BACE2: variants seen among roughly 807,000 people sequenced by gnomAD.
BACE2 encodes 56 kDa aspartic-like protease.
Under a neutral mutation model 46.2 loss-of-function variants are expected in BACE2, and 17 were observed. The ratio of observed to expected loss-of-function variants is 0.37; its 90% CI spans 0.25 to 0.55. The LOEUF (loss-of-function observed/expected upper bound fraction) is 0.55. Ranked by LOEUF, BACE2 falls within the 20% of genes least tolerant of loss-of-function variation. The pLI, the probability that BACE2 is intolerant of heterozygous loss-of-function variation, is 0.82. For synonymous variants in BACE2, 277 were observed against 295.9 expected (o/e 0.94, Z 0.66); for missense variants, 595 against 698.1 (o/e 0.85, Z 1.66).
intron 1 of BACE2, among the ~76,000 whole-genome samples, chr21:41,171,770 CT>C (rs1260122362): frequency 2.0e-5 from 3 of 152,150 alleles, no homozygotes; most frequent in African/African-American, 7.2e-5. Context: ...CAAAAAAAGC[CT>C]TTGGGATTCT....
chr21:41,194,786 T>C (rs1056363345), intron 1 of BACE2, among the ~76,000 whole-genome samples: 1 of 152,130 alleles, frequency 6.6e-6, no homozygotes, highest in Non-Finnish European at 1.5e-5. Flanking sequence ...CCTCATACTT[T>C]TTGAGAAAAA....
chr21:41,224,844 A>G (rs370739199), intron 1 of BACE2, among the ~76,000 whole-genome samples: 57 of 152,364 alleles, frequency 3.7e-4, no homozygotes, highest in Middle Eastern at 6.8e-3. Context: ...TACAGAGCAC[A>G]TAAACCAAAT....
In BACE2 at chr21:41,275,563, G is replaced by A. The variant is rs550964462; in HGVS notation, c.1496G>A (p.Arg499His). ...LLLLPFRCQRRPRDPEVVNDE... is the reference protein window; with the variant it reads ...LLLLPFRCQRHPRDPEVVNDE... ...CTGCTGCCGTTCCGGTGTCAGCGTC[G>A]CCCCCGTGACCCTGAGGTCGTCAAT... The change falls in exon 9 of 9, where the codon CGC becomes CAC. Residue 499 changes from arginine to histidine, a missense_variant. Around this residue, in one of 3 missense-constraint regions of BACE2, gnomAD observed 343 missense variants for 419.4 expected, o/e 0.82. Transcript: ENST00000330333. 19 of 1,613,914 alleles carry A rather than the reference G, an allele frequency of 1.2e-5. No individual in the cohort carries two copies. Among genetic ancestry groups the A allele is most frequent in the African/African-American group, 6.7e-5 (5 of 74,952 alleles).
chr21:41,264,884 T>G (rs1178779797), intron 8 of BACE2, among the ~76,000 whole-genome samples: 1 of 152,156 alleles, frequency 6.6e-6, no homozygotes, highest in Non-Finnish European at 1.5e-5. Flanking sequence ...CACAAGAGGC[T>G]GAGGCAGGAA....
intron 8 of BACE2, among the ~76,000 whole-genome samples, chr21:41,267,307 C>T (rs2088387978): frequency 6.6e-6 from 1 of 152,184 alleles, no homozygotes; most frequent in African/African-American, 2.4e-5. Context: ...CGTCTCATAT[C>T]TGACATGGAT....
At chr21:41,227,018 C>T (rs1371404639) in intron 2 of BACE2, among the ~76,000 whole-genome samples, 1 of 152,208 alleles carries the variant, frequency 6.6e-6, no homozygotes, top group Non-Finnish European at 1.5e-5. Context: ...TTCCGAGCAG[C>T]CCTGGGTGGG....
chr21:41,169,246 A>T (rs1984507549), intron 1 of BACE2, among the ~76,000 whole-genome samples: 1 of 152,002 alleles, frequency 6.6e-6, no homozygotes, highest in South Asian at 2.1e-4. Context: ...GGAGCGATGC[A>T]TCTACACGCG....
intron 1 of BACE2, among the ~76,000 whole-genome samples, chr21:41,187,481 A>G (rs1985420094): frequency 6.6e-6 from 1 of 152,200 alleles, no homozygotes; most frequent in African/African-American, 2.4e-5. Flanking sequence ...GAAAGATCGA[A>G]TATGTTCTAC....
intron 1 of BACE2, among the ~76,000 whole-genome samples, chr21:41,210,453 G>T (rs903334325): frequency 6.6e-6 from 1 of 152,146 alleles, no homozygotes; most frequent in Non-Finnish European, 1.5e-5. Flanking sequence ...CCAGGCAAGG[G>T]TTGAGCCGCG....
In BACE2 at chr21:41,179,311, G is replaced by A. The variant is rs993565292; in HGVS notation, c.312+10736G>A. ...GGGTGAGGATTGAGGGTGTCAGGGT[G>A]AGTGAGAGTGTCCAGGGTGAGGAGT... On this transcript the variant is annotated intron_variant, in intron 1 of 8. Coordinates refer to ENST00000330333, the MANE Select transcript of BACE2 (RefSeq NM_012105.5). 3.8e-6 allele frequency: 5 copies of A among 1,313,206 alleles called. No homozygotes were observed. In the African/African-American group the frequency reaches 4.7e-5, roughly 12 times the overall value. 81.3% of individuals were successfully genotyped at this position (1,313,206 alleles called of 1,614,324 possible). A position where few individuals can be genotyped will look rare whatever the true frequency, so the allele number is the denominator to read the frequency against.
At chr21:41,241,617 A>C in intron 3 of BACE2, 1 of 563,972 alleles carries the variant, frequency 1.8e-6, no homozygotes, top group Non-Finnish European at 3.1e-6. Context: ...AGCCGTGCCC[A>C]AAGGAAGAAT....
chr21:41,278,825 C>A lies in BACE2; in HGVS notation c.*3201C>A, dbSNP rs561188986. On this transcript the variant is annotated 3_prime_UTR_variant, in exon 9 of 9. Transcript: ENST00000330333. ...TTCAGTTCTAAGTTCTGGACTAGTG[C>A]CACTCGATATCATTGGGAATAAATC... is the stretch of plus-strand genomic sequence containing the variant. The A allele has an allele frequency of 6.6e-6, 1 of 152,086 alleles. No individual in the cohort carries two copies. Among genetic ancestry groups the A allele is most frequent in the African/African-American group, 2.4e-5 (1 of 41,406 alleles). The allele number at this position is 152,086 out of a possible 1,614,324, so 9.4% of individuals were successfully genotyped here.
At chr21:41,205,092 T>C (rs1986084660) in intron 1 of BACE2, among the ~76,000 whole-genome samples, 1 of 152,244 alleles carries the variant, frequency 6.6e-6, no homozygotes, top group African/African-American at 2.4e-5. Context: ...CAGTTTGGGC[T>C]GATCAGATCC....
Position 41,278,727 on chromosome 21 carries a change from A to G in BACE2, c.*3103A>G, listed in dbSNP as rs2838004. 62,774 of 152,052 alleles carry G rather than the reference A, an allele frequency of 0.41. 15,092 individuals are homozygous for G. Among genetic ancestry groups the G allele is most frequent in the East Asian group, 0.7 (3,615 of 5,158 alleles). 9.4% of individuals were successfully genotyped at this position (152,052 alleles called of 1,614,324 possible). ...TTAAGAGGTGAAGAGGGATTTAATT[A>G]TTTAATACGCCGGGTGCAAACTTGT... On this transcript the variant is annotated 3_prime_UTR_variant, in exon 9 of 9. Transcript: ENST00000330333.
intron 4 of BACE2, 47 bp from the exon 5 acceptor site, chr21:41,243,329 T>C (rs1175815563): frequency 2.7e-6 from 4 of 1,498,214 alleles, no homozygotes; most frequent in African/African-American, 1.4e-5. Flanking sequence ...CCTGTTGATA[T>C]GTCTGTGTAT....
chr21:41,246,133 C>G lies in BACE2; in HGVS notation c.984+70C>G, dbSNP rs761372857. ...AGTCACCTGCTGAGGAGCAGCACTG[C>G]GTGTTCTGAGCATCTCTGAACTATT... On this transcript the variant is annotated intron_variant, in intron 6 of 8. Transcript: ENST00000330333. 394 of 1,223,954 alleles carry G rather than the reference C, an allele frequency of 3.2e-4. 5 individuals are homozygous for G. In the South Asian group the frequency reaches 5.0e-3, roughly 15 times the overall value. The allele number at this position is 1,223,954 out of a possible 1,614,324, so 75.8% of individuals were successfully genotyped here.
chr21:41,257,673 G>A (rs1484732413), intron 8 of BACE2, among the ~76,000 whole-genome samples: 4 of 152,176 alleles, frequency 2.6e-5, no homozygotes, highest in East Asian at 1.9e-4. Context: ...CACATAAGCC[G>A]TGTACATTTA....
chr21:41,265,584 A>G (rs542892172), intron 8 of BACE2, among the ~76,000 whole-genome samples: 9 of 152,292 alleles, frequency 5.9e-5, no homozygotes, highest in African/African-American at 2.2e-4. Context: ...TCAATGACTA[A>G]GGTCACTGTT....
chr21:41,199,695 G>T (rs999239608), intron 1 of BACE2, among the ~76,000 whole-genome samples: 1 of 152,128 alleles, frequency 6.6e-6, no homozygotes, highest in Non-Finnish European at 1.5e-5. Context: ...TTCTAGCCGG[G>T]CTTCGATTCC....
Sources: allele counts gnomAD v4.1 joint callset (sites outside exome capture counted in the v4.1 genomes callset), GRCh38; gene constraint gnomAD v4.1.1; regional missense constraint gnomAD v4.1.1; transcripts MANE v1.5; gene names NCBI Gene and HGNC (gene_info 2026-07-23, HGNC 2026-07-21).